The following SHCBP1 variants were observed in gnomAD, a reference collection of about 807,000 sequenced individuals.
The protein encoded by SHCBP1 is SHC SH2 domain-binding protein 1.
Under a neutral mutation model 75.1 loss-of-function variants are expected in SHCBP1, and 60 were observed. That is an observed-to-expected ratio of 0.80 (90% CI 0.65 to 0.99). SHCBP1 has a LOEUF of 0.99. SHCBP1 is among the 50% of genes least tolerant of loss of function. The pLI, the probability that SHCBP1 is intolerant of heterozygous loss-of-function variation, is 0.00. For missense variants in SHCBP1, 709 were observed against 809.4 expected (o/e 0.88, Z 1.50); for synonymous variants, 290 against 293.2 (o/e 0.99, Z 0.11).
intron 10 of SHCBP1, among the ~76,000 whole-genome samples, chr16:46,592,655 C>T (rs1454047219): frequency 6.6e-6 from 1 of 151,888 alleles, no homozygotes; most frequent in Non-Finnish European, 1.5e-5. Flanking sequence ...AAAACCAAAA[C>T]TAGAGTCCAA....
At chr16:46,617,774 G>C in intron 2 of SHCBP1, 25 bp from the exon 3 acceptor site, 1 of 1,526,946 alleles carries the variant, frequency 6.5e-7, no homozygotes, top group Non-Finnish European at 9.1e-7. Context: ...AACACAGGAA[G>C]AATTGAGAAT....
chr16:46,603,832 G>T, intron 7 of SHCBP1, 143 bp downstream of exon 7: 1 of 1,294,308 alleles, frequency 7.7e-7, no homozygotes, highest in Non-Finnish European at 1.1e-6. Context: ...GACTACTGCT[G>T]ATGAAAGGCA....
chr16:46,592,619 A>G (rs1003441803), intron 10 of SHCBP1, among the ~76,000 whole-genome samples: 2 of 152,178 alleles, frequency 1.3e-5, no homozygotes, highest in Non-Finnish European at 2.9e-5. Context: ...TATCGATAAT[A>G]GAACCAGACA....
intron 8 of SHCBP1, among the ~76,000 whole-genome samples, chr16:46,602,553 TATACAGGACCAAG>T (rs375295433): frequency 0.012 from 1,838 of 152,288 alleles, 43 homozygotes; most frequent in African/African-American, 0.042. Flanking sequence ...GTTATGAAAA[TATACAGGACCAAG>T]ATGAACAATT....
rs764692550 is a variant in SHCBP1, at chr16:46,604,210, T to C, written c.923+18A>G. 14 of 1,613,150 alleles carry C rather than the reference T, an allele frequency of 8.7e-6. No homozygotes were observed. In the East Asian group the frequency reaches 3.1e-4, roughly 36 times the overall value. On this transcript the variant is annotated intron_variant, in intron 6 of 12. Transcript: ENST00000303383. ...AGAAAAGATGCTGACTAACTAAGAA[T>C]TACAAAGACACACATACCTCAACAA...
Position 46,581,598 on chromosome 16 carries a change from T to A in SHCBP1, c.*131A>T. 1.2e-6 allele frequency: 1 copy of A among 820,650 alleles called. No homozygotes were observed. The highest frequency in any genetic ancestry group is 1.9e-6 in the Non-Finnish European group (1 of 520,818). The allele number at this position is 820,650 out of a possible 1,614,324, so 50.8% of individuals were successfully genotyped here. On this transcript the variant is annotated 3_prime_UTR_variant, in exon 13 of 13. Transcript: ENST00000303383. ...TGCAACACCTGCAAATGGAAATAAA[T>A]CTACCTTTCACTCAAGCCCAAATAA... is the stretch of plus-strand genomic sequence containing the variant.
At chr16:46,617,289 AT>A (rs1395561555) in intron 3 of SHCBP1, among the ~76,000 whole-genome samples, 3 of 152,346 alleles carry the variant, frequency 2.0e-5, no homozygotes, top group South Asian at 2.1e-4. Context: ...CTTAAAAAAA[AT>A]AAATAAATAA....
chr16:46,620,316 T>C (rs1415194174), intron 1 of SHCBP1: 1 of 152,134 alleles, frequency 6.6e-6, no homozygotes, highest in African/African-American at 2.4e-5. Context: ...GTACATCAGA[T>C]CCCCAGAACT....
In SHCBP1 at chr16:46,592,951, C is replaced by CAAAAAAAAAAAAAA; in HGVS notation, c.1464+2587_1464+2600dup. On this transcript the variant is annotated intron_variant, in intron 10 of 12. Coordinates refer to ENST00000303383, the MANE Select transcript of SHCBP1 (RefSeq NM_024745.5). ...AACATCCACTTATGATAAAAATTCT[C>CAAAAAAAAAAAAAA]AAAAAAAAAAAAAAAAAAAAAAAAA... 3.1e-3 allele frequency among the ~76,000 whole-genome samples: 70 copies of CAAAAAAAAAAAAAA among 22,774 alleles called. 7 individuals carry two copies. The highest frequency in any genetic ancestry group is 4.0e-3 in the African/African-American group (30 of 7,446). 14.9% of individuals were successfully genotyped at this position (22,774 alleles called of 152,430 possible).
intron 12 of SHCBP1, among the ~76,000 whole-genome samples, chr16:46,582,742 A>G (rs1964892297): frequency 6.6e-6 from 1 of 152,250 alleles, no homozygotes; most frequent in Non-Finnish European, 1.5e-5. Flanking sequence ...AGTCCTGCCC[A>G]GCTGACACCT....
intron 1 of SHCBP1, chr16:46,620,561 A>G (rs1965569704): frequency 6.6e-6 from 1 of 152,226 alleles, no homozygotes; most frequent in Non-Finnish European, 1.5e-5. Flanking sequence ...AACTGAAGCC[A>G]AGTGACTTTT....
Position 46,592,951 on chromosome 16 carries a change from CAAAA to C in SHCBP1, c.1464+2597_1464+2600del. Among the ~76,000 whole-genome samples the C allele has an allele frequency of 5.1e-3, 117 of 22,796 alleles. 2 individuals are homozygous for C. The South Asian group carries it at 0.19, about 38-fold the overall frequency. 15.0% of individuals were successfully genotyped at this position (22,796 alleles called of 152,430 possible). A position where few individuals can be genotyped will look rare whatever the true frequency, so the allele number is the denominator to read the frequency against. ...AACATCCACTTATGATAAAAATTCT[CAAAA>C]AAAAAAAAAAAAAAAAAAAAAGCAG... On this transcript the variant is annotated intron_variant, in intron 10 of 12. Transcript: ENST00000303383.
At chr16:46,608,425 C>A in intron 4 of SHCBP1, 36 bp from the exon 5 acceptor site, 1 of 1,425,594 alleles carries the variant, frequency 7.0e-7, no homozygotes, top group Non-Finnish European at 9.9e-7. Context: ...AATTCTATCA[C>A]TGGCTCAAAA....
chr16:46,585,803 A>C (rs1277020842), intron 10 of SHCBP1, among the ~76,000 whole-genome samples: 1 of 152,192 alleles, frequency 6.6e-6, no homozygotes, highest in Non-Finnish European at 1.5e-5. Flanking sequence ...CCCACTGGTA[A>C]CAAGACCACT....
Position 46,617,666 on chromosome 16 carries a change from AG to A in SHCBP1, c.354del (p.Trp119GlyfsTer20), listed in dbSNP as rs771000373. Reference sequence around the variant, plus strand: ...AGCACCTTGAACACATTAGTGTGCCAGACTGCCCGCCATCCAGATGGCTCAA... The same window carrying A: ...AGCACCTTGAACACATTAGTGTGCCAACTGCCCGCCATCCAGATGGCTCAA... ...KVLEPSGWRA[V>X]WHTNVFKVLV... On this transcript the variant is annotated frameshift_variant, in exon 3 of 13. Coordinates refer to ENST00000303383, the MANE Select transcript of SHCBP1 (RefSeq NM_024745.5). LOFTEE classifies it high-confidence loss of function. 15 of 1,613,744 alleles carry A rather than the reference AG, an allele frequency of 9.3e-6. No individual in the cohort carries two copies. Among genetic ancestry groups the A allele is most frequent in the Non-Finnish European group, 1.3e-5 (15 of 1,180,032 alleles).
At chr16:46,617,799 G>C (rs749766460) in intron 2 of SHCBP1, 50 bp from the exon 3 acceptor site, 2 of 1,373,938 alleles carry the variant, frequency 1.5e-6, no homozygotes, top group Admixed American at 1.7e-5. Flanking sequence ...AAAGCAGAGG[G>C]AAGTTAATAA....
intron 4 of SHCBP1, among the ~76,000 whole-genome samples, chr16:46,615,275 C>T (rs151044760): frequency 3.6e-4 from 54 of 152,098 alleles, no homozygotes; most frequent in Middle Eastern, 3.4e-3. Flanking sequence ...TTCTGGTCAA[C>T]AGTAAGTTAT....
rs80211649 is a variant in SHCBP1, at chr16:46,610,941, A to G, written c.597-2552T>C. On this transcript the variant is annotated intron_variant, in intron 4 of 12. Coordinates refer to ENST00000303383, the MANE Select transcript of SHCBP1 (RefSeq NM_024745.5). Reference sequence around the variant, plus strand: ...CAGGCCTTCAGGAAGGATTTTTTGCAAGAATACTTCAAGGGAGGTGTAATG... The same window carrying G: ...CAGGCCTTCAGGAAGGATTTTTTGCGAGAATACTTCAAGGGAGGTGTAATG... 3.7e-4 allele frequency among the ~76,000 whole-genome samples: 56 copies of G among 152,270 alleles called. No homozygotes were observed. In the East Asian group the frequency reaches 4.4e-3, roughly 12 times the overall value.
In SHCBP1 at chr16:46,579,379, A is replaced by C; in HGVS notation, c.*2350T>G. On this transcript the variant is annotated 3_prime_UTR_variant, in exon 13 of 13. Coordinates refer to ENST00000303383, the MANE Select transcript of SHCBP1 (RefSeq NM_024745.5). Reference sequence around the variant, plus strand: ...AAATAAGAACAAAGTAGGCCTACTCATTATAATGAATCATGTGAATAAAAA... The same window carrying C: ...AAATAAGAACAAAGTAGGCCTACTCCTTATAATGAATCATGTGAATAAAAA... Among the ~76,000 whole-genome samples the C allele has an allele frequency of 6.6e-6, 1 of 151,084 alleles. No homozygotes were observed. Among genetic ancestry groups the C allele is most frequent in the East Asian group, 1.9e-4 (1 of 5,206 alleles).
Sources: gnomAD v4.1 joint callset for allele counts (sites outside exome capture counted in the v4.1 genomes callset) on GRCh38, gnomAD v4.1.1 for gene constraint, MANE v1.5 for transcripts, NCBI Gene and HGNC (gene_info 2026-07-23, HGNC 2026-07-21) for gene names.